The following TNFAIP2 variants were observed in gnomAD, a reference collection of about 807,000 sequenced individuals.
TNFAIP2 encodes the protein tumor necrosis factor alpha-induced protein 2.
Under a neutral mutation model 63.5 loss-of-function variants are expected in TNFAIP2, and 47 were observed. That is an observed-to-expected ratio of 0.74 (90% CI 0.59 to 0.94). The LOEUF is 0.94. TNFAIP2 is among the 40% of genes least tolerant of loss of function. The pLI is 0.00. For synonymous variants in TNFAIP2, 405 were observed against 390.2 expected, an observed-to-expected ratio of 1.04 and a Z score of -0.45; for missense variants, 787 against 850.2, an observed-to-expected ratio of 0.93 and a Z score of 0.92.
rs1295290570 is a variant in TNFAIP2 at position 103,133,457 on chromosome 14, G to A, written c.1641G>A (p.Gln547=). 7.4e-6 allele frequency: 12 copies of A among 1,613,988 alleles called. No individual in the cohort carries two copies. The highest frequency in any genetic ancestry group is 1.0e-5 in the Non-Finnish European group (12 of 1,180,020). ...RLVLKTAEQQ[Q]QLAGYILANA... is the part of the protein sequence containing the mutation. Reference sequence around the variant, plus strand: ...TCCTCAAGACGGCCGAGCAGCAGCAGCAGCTGGCTGGGTACATCCTGGCCA... The same window carrying A: ...TCCTCAAGACGGCCGAGCAGCAGCAACAGCTGGCTGGGTACATCCTGGCCA... Residue 547 remains glutamine (Q), a synonymous_variant, in exon 10 of 12, where the codon CAG becomes CAA. Transcript: ENST00000560869.
Position 103,132,850 on chromosome 14 carries a change from A to C in TNFAIP2, c.1523A>C (p.Glu508Ala). 6.2e-7 allele frequency: 1 copy of C among 1,613,966 alleles called. No individual in the cohort carries two copies. Among genetic ancestry groups the C allele is most frequent in the Non-Finnish European group, 8.5e-7 (1 of 1,179,936 alleles). Residue 508 changes from glutamate to alanine, a missense_variant, in exon 9 of 12, where the codon GAG becomes GCG. This residue lies in a region of TNFAIP2 where 523 missense variants were observed against 604.1 expected (regional missense o/e 0.87). Coordinates refer to ENST00000560869, the MANE Select transcript of TNFAIP2 (RefSeq NM_006291.4). ...GACACGAGGCTGCCTGAGTTCTCAGAGCTGCAGGGCTGTTTCCGGGAGGTG... is the reference window on the plus strand; with the variant it reads ...GACACGAGGCTGCCTGAGTTCTCAGCGCTGCAGGGCTGTTTCCGGGAGGTG... ...TVDTRLPEFS[E>A]LQGCFREELM...
chr14:103,125,630 C>A (rs1264521338), intron 1 of TNFAIP2, among the ~76,000 whole-genome samples: 1 of 152,184 alleles, frequency 6.6e-6, no homozygotes, highest in Non-Finnish European at 1.5e-5. Context: ...TTCAGGCCGC[C>A]CTGTGACTTG....
chr14:103,133,640 C>T (rs768472815), intron 10 of TNFAIP2, 42 bp from the exon 11 acceptor site: 2 of 1,549,678 alleles, frequency 1.3e-6, no homozygotes, highest in East Asian at 2.3e-5. Flanking sequence ...TGACCCGAGC[C>T]TCTGGACCCC....
At chr14:103,122,804 G>C (rs1394975563), upstream of TNFAIP2, 3 of 453,464 alleles carry the variant, frequency 6.6e-6, no homozygotes. Context: ...CCATAGGCCT[G>C]GCTAGGAACC....
chr14:103,125,057 C>T (rs2087825588), intron 1 of TNFAIP2, among the ~76,000 whole-genome samples: 1 of 152,250 alleles, frequency 6.6e-6, no homozygotes, highest in Non-Finnish European at 1.5e-5. Context: ...ACACCTCCTA[C>T]TCAGCCTCAG....
At position 103,135,397 on chromosome 14, in the gene TNFAIP2, CAA is replaced by C; in HGVS notation, c.*38_*39del. On this transcript the variant is annotated 3_prime_UTR_variant, in exon 12 of 12. Transcript: ENST00000560869. This position sits in a 1 kb window ranked among gnomAD's most constrained non-coding sequence, Gnocchi z 7.6. ...GCCTGACCTGCCTGTGAGTGCCCAG[CAA>C]GCCTTGGGCACACCCCGCTGGGAGC... 1 of 1,571,700 alleles carries C rather than the reference CAA, an allele frequency of 6.4e-7. No individual in the cohort carries two copies. The highest frequency in any genetic ancestry group is 1.2e-5 in the South Asian group (1 of 83,658).
At chr14:103,129,352 G>T (rs1280682289) in intron 3 of TNFAIP2, among the ~76,000 whole-genome samples, 1 of 152,208 alleles carries the variant, frequency 6.6e-6, no homozygotes, top group African/African-American at 2.4e-5. Context: ...TGGCTGCTGG[G>T]TGAAGAAGGA....
rs1216886382 is a variant in TNFAIP2, at chr14:103,126,291, C to T, written c.-148-19C>T. On this transcript the variant is annotated intron_variant, in intron 1 of 11. Transcript: ENST00000560869. ...GCCGGTCCATGGTGACCACTGATGC[C>T]TTCACCCCCACCCCGCAGGAGCCTG... 2 of 591,996 alleles carry T rather than the reference C, an allele frequency of 3.4e-6. No individual in the cohort carries two copies. The highest frequency in any genetic ancestry group is 6.1e-5 in the Admixed American group (2 of 32,642). 36.7% of individuals were successfully genotyped at this position (591,996 alleles called of 1,614,324 possible). A position where few individuals can be genotyped will look rare whatever the true frequency, so the allele number is the denominator to read the frequency against.
At chr14:103,130,198 G>A (rs1219748560) in intron 5 of TNFAIP2, 74 bp downstream of exon 5, 5 of 1,570,488 alleles carry the variant, frequency 3.2e-6, no homozygotes, top group Non-Finnish European at 3.5e-6. Context: ...ATTCCGTCCT[G>A]TGTGCATACC....
At position 103,135,643 on chromosome 14, in the gene TNFAIP2, A is replaced by G. The variant is rs914569848; in HGVS notation, c.*283A>G. 12 of 1,305,934 alleles carry G rather than the reference A, an allele frequency of 9.2e-6. No homozygotes were observed. The East Asian group carries it at 2.1e-4, about 23-fold the overall frequency. 80.9% of individuals were successfully genotyped at this position (1,305,934 alleles called of 1,614,324 possible). On this transcript the variant is annotated 3_prime_UTR_variant, in exon 12 of 12. Transcript: ENST00000560869. The surrounding 1 kb of genome is among the most constrained non-coding windows in gnomAD (Gnocchi z 7.6). ...GATAGCTGATCGTGTGCACGCAAGG[A>G]AAGAACCAGGAGGGAGAGTGCAGCC...
chr14:103,122,393 G>A (rs1338955539), upstream of TNFAIP2, among the ~76,000 whole-genome samples: 9 of 152,182 alleles, frequency 5.9e-5, no homozygotes, highest in Non-Finnish European at 1.0e-4. Context: ...CGGGGAAAGA[G>A]GCCAAACAAA....
chr14:103,133,124 G>A (rs552055353), intron 9 of TNFAIP2, among the ~76,000 whole-genome samples: 7 of 148,564 alleles, frequency 4.7e-5, no homozygotes, highest in South Asian at 4.4e-4. Context: ...ATGAACACAC[G>A]TGAAGGCACG....
At position 103,131,993 on chromosome 14, in the gene TNFAIP2, CCTGGGG is replaced by C; in HGVS notation, c.1422+237_1422+242del. 1.8e-4 allele frequency among the ~76,000 whole-genome samples: 1 copy of C among 5,610 alleles called. No homozygotes were observed. The highest frequency in any genetic ancestry group is 4.1e-4 in the Non-Finnish European group (1 of 2,414). The allele number at this position is 5,610 out of a possible 152,430, so 3.7% of individuals were successfully genotyped here. A position where few individuals can be genotyped will look rare whatever the true frequency, so the allele number is the denominator to read the frequency against. On this transcript the variant is annotated intron_variant, in intron 8 of 11. Coordinates refer to ENST00000560869, the MANE Select transcript of TNFAIP2 (RefSeq NM_006291.4). This position sits in a 1 kb window ranked among gnomAD's most constrained non-coding sequence, Gnocchi z 4.0. ...CTGGGGTTTCACCTGAGAGGGGCCGCCTGGGGCTGGGAGGGGCCGCCTGGGGCTGGG... is the reference window on the plus strand; with the variant it reads ...CTGGGGTTTCACCTGAGAGGGGCCGCCTGGGAGGGGCCGCCTGGGGCTGGG...
chr14:103,126,145 C>T (rs2087847002), intron 1 of TNFAIP2, among the ~76,000 whole-genome samples, 165 bp from the exon 2 acceptor site: 1 of 152,216 alleles, frequency 6.6e-6, no homozygotes, highest in Non-Finnish European at 1.5e-5. Flanking sequence ...AGGGAGGAAG[C>T]ACAGTTGTTG....
chr14:103,135,984 G>T lies in TNFAIP2; in HGVS notation c.*624G>T, dbSNP rs1211450722. The stretch of plus-strand genomic sequence containing the variant: ...GTGGCCCCACGGCCCCTACAGGCTG[G>T]CCCTGCAATGGGGCCCTGAGCCCTC... On this transcript the variant is annotated 3_prime_UTR_variant, in exon 12 of 12. Coordinates refer to ENST00000560869, the MANE Select transcript of TNFAIP2 (RefSeq NM_006291.4). The surrounding 1 kb of genome is among the most constrained non-coding windows in gnomAD (Gnocchi z 7.6). 1.6e-6 allele frequency: 2 copies of T among 1,289,136 alleles called. No homozygotes were observed. Among genetic ancestry groups the T allele is most frequent in the South Asian group, 1.2e-5 (1 of 81,022 alleles). The allele number at this position is 1,289,136 out of a possible 1,614,324, so 79.9% of individuals were successfully genotyped here.
Position 103,131,619 on chromosome 14 carries a change from T to C in TNFAIP2, c.1299-20T>C, listed in dbSNP as rs1471647132. 6.3e-7 allele frequency: 1 copy of C among 1,579,350 alleles called. No individual in the cohort carries two copies. The highest frequency in any genetic ancestry group is 2.3e-5 in the East Asian group (1 of 43,866). On this transcript the variant is annotated intron_variant, in intron 7 of 11. Coordinates refer to ENST00000560869, the MANE Select transcript of TNFAIP2 (RefSeq NM_006291.4). The surrounding 1 kb of genome is among the most constrained non-coding windows in gnomAD (Gnocchi z 4.0). ...TAGGCTGAGCAGGGCTGGGGTGACC[T>C]CTCTGCCTCCACCTTCCAGGATGTC...
chr14:103,129,919 G>A (rs1170641825), intron 4 of TNFAIP2, 65 bp downstream of exon 4: 6 of 1,607,864 alleles, frequency 3.7e-6, no homozygotes, highest in Non-Finnish European at 5.1e-6. Flanking sequence ...GAGACAGACA[G>A]GACATGGGCA....
At chr14:103,132,481 A>G (rs2087997166) in intron 8 of TNFAIP2, among the ~76,000 whole-genome samples, 1 of 152,148 alleles carries the variant, frequency 6.6e-6, no homozygotes. Flanking sequence ...GTGGCAGTGG[A>G]CTTGGCCTCC....
At position 103,131,069 on chromosome 14, in the gene TNFAIP2, A is replaced by T; in HGVS notation, c.1217A>T (p.Asn406Ile). ...TTCGCCAGCTACCAGCGCGCCTTTA[A>T]TGAATTTCTGGAGAGAGGCAAGCAG... ...AFLRSYQRAF[N>I]EFLERGKQLT... Residue 406 changes from asparagine to isoleucine, a missense_variant, in exon 7 of 12, where the codon AAT becomes ATT. Physicochemically the swap from Asn to Ile is moderately radical, Grantham distance 149. Coordinates refer to ENST00000560869, the MANE Select transcript of TNFAIP2 (RefSeq NM_006291.4). This position sits in a 1 kb window ranked among gnomAD's most constrained non-coding sequence, Gnocchi z 4.0. 1 of 1,614,160 alleles carries T rather than the reference A, an allele frequency of 6.2e-7. No homozygotes were observed.
Sources: gnomAD v4.1 joint callset for allele counts (sites outside exome capture counted in the v4.1 genomes callset) on GRCh38, gnomAD v4.1.1 for gene constraint, gnomAD v4.1.1 regional missense constraint, Gnocchi (gnomAD v3.1) non-coding constraint, MANE v1.5 for transcripts, NCBI Gene and HGNC (gene_info 2026-07-23, HGNC 2026-07-21) for gene names.